RIPOR2: variants seen among roughly 807,000 people sequenced by gnomAD.
The protein encoded by RIPOR2 is rho family-interacting cell polarization regulator 2.
In RIPOR2, 39 loss-of-function variants were observed where a neutral mutation model predicts 114.5. The ratio of observed to expected loss-of-function variants is 0.34; its 90% CI spans 0.26 to 0.44. The LOEUF (loss-of-function observed/expected upper bound fraction) is 0.44. Among genes scored for constraint, RIPOR2 ranks in the 20% least tolerant of loss-of-function variants. The pLI is 1.00. For missense variants in RIPOR2, 1,007 were observed against 1,255.1 expected, an observed-to-expected ratio of 0.80 and a Z score of 2.99; for synonymous variants, 445 against 484.4, an observed-to-expected ratio of 0.92 and a Z score of 1.07.
chr6:24,835,665 AC>A, intron 15 of RIPOR2, 37 bp downstream of exon 15: 1 of 1,540,626 alleles, frequency 6.5e-7, no homozygotes, highest in Non-Finnish European at 8.8e-7. Flanking sequence ...TATGTAAATC[AC>A]CTGGCATCTC....
At chr6:25,025,612 T>C (rs6934141) in intron 1 of RIPOR2, among the ~76,000 whole-genome samples, 31,983 of 152,196 alleles carry the variant, frequency 0.21, 4,145 homozygotes, top group East Asian at 0.59. Flanking sequence ...ATTTAATTGT[T>C]TTTAGAATAT....
At chr6:24,950,384 C>G (rs1772688764) in intron 1 of RIPOR2, among the ~76,000 whole-genome samples, 1 of 152,146 alleles carries the variant, frequency 6.6e-6, no homozygotes, top group South Asian at 2.1e-4. Context: ...CCTTTATTCA[C>G]CCTTGGAAAA....
chr6:24,990,776 G>A lies in RIPOR2; in HGVS notation c.76+51075C>T, dbSNP rs1402111941. Among the ~76,000 whole-genome samples the A allele has an allele frequency of 1.3e-5, 2 of 152,184 alleles. 1 individual carries two copies. Among genetic ancestry groups the A allele is most frequent in the Admixed American group, 1.3e-4 (2 of 15,284 alleles). ...TTAAGTAAAGTACTTAGTAGAGCACGTGTATGTTAAATATAGATAGAAAAG... is the reference window on the plus strand; with the variant it reads ...TTAAGTAAAGTACTTAGTAGAGCACATGTATGTTAAATATAGATAGAAAAG... On this transcript the variant is annotated intron_variant, in intron 1 of 13. Coordinates refer to the RIPOR2 transcript ENST00000510784.
intron 1 of RIPOR2, among the ~76,000 whole-genome samples, chr6:25,010,779 G>C (rs1775746001): frequency 6.6e-6 from 1 of 152,102 alleles, no homozygotes; most frequent in African/African-American, 2.4e-5. Context: ...GTGCTTGCTA[G>C]GTCTCTGGTG....
At chr6:24,924,147 G>A (rs746479362) in intron 1 of RIPOR2, among the ~76,000 whole-genome samples, 8 of 152,186 alleles carry the variant, frequency 5.3e-5, no homozygotes, top group Non-Finnish European at 8.8e-5. Context: ...TCAAAGCTCT[G>A]CTAATCCCAT....
chr6:24,906,343 C>G (rs1768996587), intron 1 of RIPOR2, among the ~76,000 whole-genome samples: 1 of 152,174 alleles, frequency 6.6e-6, no homozygotes, highest in East Asian at 1.9e-4. Flanking sequence ...GTCTTTTTGT[C>G]TGGTAAATAG....
intron 1 of RIPOR2, chr6:24,976,889 A>G (rs1774080931): frequency 1.1e-5 from 17 of 1,607,138 alleles, no homozygotes; most frequent in Non-Finnish European, 1.4e-5. Context: ...GAAAGAAGGC[A>G]TGAATATTGT....
At chr6:25,021,418 G>T (rs1776311132) in intron 1 of RIPOR2, among the ~76,000 whole-genome samples, 1 of 152,180 alleles carries the variant, frequency 6.6e-6, no homozygotes, top group South Asian at 2.1e-4. Flanking sequence ...AGTGGATAAA[G>T]AAATTGTGGT....
Position 24,842,848 on chromosome 6 carries a change from G to C in RIPOR2, c.1857+14C>G, listed in dbSNP as rs1358965572. The stretch of plus-strand genomic sequence containing the variant: ...TCTCCAAACCTAATCCAATTTCTCT[G>C]AAAAGGTACTTACTTTTAGAATATC... On this transcript the variant is annotated intron_variant, in intron 13 of 21. Transcript: ENST00000643898. 7.1e-7 allele frequency: 1 copy of C among 1,404,702 alleles called. No homozygotes were observed. The highest frequency in any genetic ancestry group is 9.4e-7 in the Non-Finnish European group (1 of 1,066,790). The allele number at this position is 1,404,702 out of a possible 1,614,324, so 87.0% of individuals were successfully genotyped here. A position where few individuals can be genotyped will look rare whatever the true frequency, so the allele number is the denominator to read the frequency against.
intron 6 of RIPOR2, among the ~76,000 whole-genome samples, chr6:24,865,907 A>T (rs1581646837): frequency 6.6e-6 from 1 of 152,196 alleles, no homozygotes; most frequent in Non-Finnish European, 1.5e-5. Context: ...CTGTATATAG[A>T]ACAAACACTG....
rs184819770 is a variant in RIPOR2, at chr6:24,889,870, T to G, written c.62-14053A>C. Among the ~76,000 whole-genome samples, 4 of 152,258 alleles carry G rather than the reference T, an allele frequency of 2.6e-5. No individual in the cohort carries two copies. In the East Asian group the frequency reaches 7.7e-4, roughly 29 times the overall value. On this transcript the variant is annotated intron_variant, in intron 1 of 21. Coordinates refer to ENST00000643898, the MANE Select transcript of RIPOR2 (RefSeq NM_001286445.3). Reference sequence around the variant, plus strand: ...ATTGCATCAAAAAGATACCTGCACCTGTATGTTCATTTTTTTATTTTATTT... The same window carrying G: ...ATTGCATCAAAAAGATACCTGCACCGGTATGTTCATTTTTTTATTTTATTT...
At chr6:24,987,607 AG>A (rs1194565990) in intron 1 of RIPOR2, among the ~76,000 whole-genome samples, 1 of 152,212 alleles carries the variant, frequency 6.6e-6, no homozygotes, top group Non-Finnish European at 1.5e-5. Flanking sequence ...TGCTTACAAC[AG>A]GGTTACAAGT....
intron 1 of RIPOR2, among the ~76,000 whole-genome samples, chr6:24,889,474 G>A (rs1252137213): frequency 6.6e-6 from 1 of 152,078 alleles, no homozygotes; most frequent in Non-Finnish European, 1.5e-5. Flanking sequence ...ACCTGTTTAT[G>A]TGAATATAAC....
Position 24,806,474 on chromosome 6 carries a change from C to T in RIPOR2, c.3044-1G>A, listed in dbSNP as rs1236261242. On this transcript the variant is annotated splice_acceptor_variant, in intron 21 of 21. Transcript: ENST00000643898. LOFTEE classifies it high-confidence loss of function. ...TCATATGCCAGCCGCCCATCTTCTC[C>T]TAAATACAGAACATTAAACATGAAT... 6.5e-7 allele frequency: 1 copy of T among 1,546,510 alleles called. No homozygotes were observed. Among genetic ancestry groups the T allele is most frequent in the Admixed American group, 2.0e-5 (1 of 50,472 alleles).
At chr6:24,831,655 T>G (rs1448673986) in intron 16 of RIPOR2, among the ~76,000 whole-genome samples, 1 of 152,182 alleles carries the variant, frequency 6.6e-6, no homozygotes, top group Non-Finnish European at 1.5e-5. Context: ...GTTTTAGGCT[T>G]AATCAGAGAT....
intron 11 of RIPOR2, among the ~76,000 whole-genome samples, chr6:24,849,030 G>A (rs763395571): frequency 6.6e-6 from 1 of 152,058 alleles, no homozygotes; most frequent in Non-Finnish European, 1.5e-5. Flanking sequence ...TTAGCCTCCC[G>A]AGTAGCTGGC....
At chr6:24,855,264 A>G (rs1281882514) in intron 8 of RIPOR2, among the ~76,000 whole-genome samples, 1 of 152,202 alleles carries the variant, frequency 6.6e-6, no homozygotes, top group Non-Finnish European at 1.5e-5. Flanking sequence ...AAGATGTAAA[A>G]AAGATCACAT....
chr6:24,899,089 A>G (rs570676303), intron 1 of RIPOR2, among the ~76,000 whole-genome samples: 97 of 151,760 alleles, frequency 6.4e-4, no homozygotes, highest in Admixed American at 2.5e-3. Flanking sequence ...ATGTCCATTC[A>G]TTGCCCCATA....
chr6:24,841,389 T>C (rs1761700311), intron 13 of RIPOR2, among the ~76,000 whole-genome samples: 1 of 152,054 alleles, frequency 6.6e-6, no homozygotes, highest in East Asian at 1.9e-4. Context: ...AGAAAGTAGA[T>C]TCAGAGTGCC....
Sources: gnomAD v4.1 joint callset for allele counts (sites outside exome capture counted in the v4.1 genomes callset) on GRCh38, gnomAD v4.1.1 for gene constraint, MANE v1.5 for transcripts, NCBI Gene and HGNC (gene_info 2026-07-23, HGNC 2026-07-21) for gene names.